UST: variants seen among roughly 807,000 people sequenced by gnomAD.
The protein encoded by UST is chondroitin sulfate 2-O-sulfotransferase.
UST carries 21 observed loss-of-function variants against 45.6 expected under a neutral mutation model. The observed-to-expected ratio is 0.46, with a 90% confidence interval of 0.33 to 0.66. UST has a LOEUF of 0.66. UST is among the 30% of genes least tolerant of loss of function. The pLI is 0.02. For synonymous variants in UST, 215 were observed against 200.6 expected (o/e 1.07, Z -0.61); for missense variants, 463 against 512.4 (o/e 0.90, Z 0.93).
intron 2 of UST, among the ~76,000 whole-genome samples, chr6:148,940,978 ATATT>A: frequency 6.6e-6 from 1 of 152,350 alleles, no homozygotes; most frequent in South Asian, 2.1e-4. Context: ...ATTAAGGAAC[ATATT>A]TATGTATTTT....
chr6:148,989,079 G>C lies in UST; in HGVS notation c.681+24516G>C, dbSNP rs561360473. Among the ~76,000 whole-genome samples the C allele has an allele frequency of 2.0e-3, 310 of 152,208 alleles. 2 individuals are homozygous for C. Among genetic ancestry groups the C allele is most frequent in the Non-Finnish European group, 2.1e-3 (141 of 68,024 alleles). On this transcript the variant is annotated intron_variant, in intron 5 of 7. Coordinates refer to ENST00000367463, the MANE Select transcript of UST (RefSeq NM_005715.3). ...AGAATGAGATAATAGAGGTTCAAAG[G>C]CTTTGAAAACACAAGAGGCACATAA...
At chr6:148,896,588 G>T (rs1779135924) in intron 2 of UST, among the ~76,000 whole-genome samples, 1 of 152,146 alleles carries the variant, frequency 6.6e-6, no homozygotes, top group African/African-American at 2.4e-5. Flanking sequence ...TCTTATTTTT[G>T]TCTAAGGCTG....
chr6:149,005,649 TA>T lies in UST; in HGVS notation c.682-13487del. ...TCCACCACCATTAGACCTCATTTCT[TA>T]AAGGACTGATTTCCACTAAAATGCA... On this transcript the variant is annotated intron_variant, in intron 5 of 7. Coordinates refer to ENST00000367463, the MANE Select transcript of UST (RefSeq NM_005715.3). The T allele has an allele frequency of 3.1e-6, 3 of 974,338 alleles. 1 individual carries two copies. The highest frequency in any genetic ancestry group is 1.2e-6 in the Non-Finnish European group (1 of 819,890). 60.4% of individuals were successfully genotyped at this position (974,338 alleles called of 1,614,324 possible). A position where few individuals can be genotyped will look rare whatever the true frequency, so the allele number is the denominator to read the frequency against.
At chr6:148,889,513 T>C (rs542005517) in intron 2 of UST, among the ~76,000 whole-genome samples, 1 of 152,234 alleles carries the variant, frequency 6.6e-6, no homozygotes, top group East Asian at 1.9e-4. Flanking sequence ...TTCTCCCAGG[T>C]AGGGAGGGGC....
At chr6:149,031,917 C>T (rs57067744) in intron 7 of UST, among the ~76,000 whole-genome samples, 3,891 of 152,174 alleles carry the variant, frequency 0.026, 122 homozygotes, top group South Asian at 0.084. Context: ...GCCAAGTGGA[C>T]GTGGAAGGAG....
rs1253208530 is a variant in UST at position 149,044,069 on chromosome 6, G to A, written c.937+22588G>A. On this transcript the variant is annotated intron_variant, in intron 7 of 7. Transcript: ENST00000367463. ...TAAAATAGAGTTTCACAGCCTTTAA[G>A]TGACTAGGGTACATCACTTTTAAGA... Among the ~76,000 whole-genome samples the A allele has an allele frequency of 3.3e-5, 5 of 152,188 alleles. No homozygotes were observed. The South Asian group carries it at 8.3e-4, about 25-fold the overall frequency.
intron 6 of UST, among the ~76,000 whole-genome samples, chr6:149,020,408 C>T (rs1277332312): frequency 3.3e-5 from 5 of 152,132 alleles, no homozygotes; most frequent in Admixed American, 2.0e-4. Flanking sequence ...TTGCTGATCA[C>T]AGTGAATATC....
intron 7 of UST, among the ~76,000 whole-genome samples, chr6:149,023,079 T>C (rs896654400): frequency 1.3e-5 from 2 of 151,072 alleles, no homozygotes; most frequent in Non-Finnish European, 2.9e-5. Flanking sequence ...CATTTTCTCC[T>C]TTTGGCTTTA....
At chr6:148,908,784 A>G (rs952823673) in intron 2 of UST, among the ~76,000 whole-genome samples, 8 of 152,164 alleles carry the variant, frequency 5.3e-5, no homozygotes, top group African/African-American at 1.7e-4. Flanking sequence ...TTTAGTTACA[A>G]ATGATCTTGT....
intron 1 of UST, among the ~76,000 whole-genome samples, chr6:148,871,420 G>T (rs1201911445): frequency 6.6e-6 from 1 of 152,152 alleles, no homozygotes; most frequent in Non-Finnish European, 1.5e-5. Context: ...TTAGATGGGT[G>T]CAGTAGTGAC....
chr6:148,761,881 A>G (rs1776230140), intron 1 of UST, among the ~76,000 whole-genome samples: 1 of 152,212 alleles, frequency 6.6e-6, no homozygotes, highest in African/African-American at 2.4e-5. Context: ...TGCTCTCCCA[A>G]CAGTCCATAG....
intron 1 of UST, among the ~76,000 whole-genome samples, chr6:148,755,113 C>T (rs1393939748): frequency 2.0e-5 from 3 of 152,134 alleles, no homozygotes; most frequent in Non-Finnish European, 2.9e-5. Flanking sequence ...TATATTTGCT[C>T]ACTAGAATGG....
At chr6:148,872,821 C>T (rs530289220) in intron 1 of UST, among the ~76,000 whole-genome samples, 1 of 152,288 alleles carries the variant, frequency 6.6e-6, no homozygotes, top group East Asian at 1.9e-4. Flanking sequence ...TCCAGCGTCA[C>T]ATCTCTTTCT....
chr6:148,947,419 G>C (rs1780268040), intron 3 of UST, among the ~76,000 whole-genome samples: 1 of 152,180 alleles, frequency 6.6e-6, no homozygotes, highest in African/African-American at 2.4e-5. Context: ...AGCTAAACTT[G>C]TAAAGGCAGA....
chr6:148,748,399 TTGTGTGTGTGTGTG>T lies in UST; in HGVS notation c.247+763_247+776del, dbSNP rs34342100. Among the ~76,000 whole-genome samples, 3,017 of 127,598 alleles carry T rather than the reference TTGTGTGTGTGTGTG, an allele frequency of 0.024. 50 individuals are homozygous for T. Among genetic ancestry groups the T allele is most frequent in the Middle Eastern group, 0.08 (21 of 264 alleles). 83.7% of individuals were successfully genotyped at this position (127,598 alleles called of 152,430 possible). A position where few individuals can be genotyped will look rare whatever the true frequency, so the allele number is the denominator to read the frequency against. Reference sequence around the variant, plus strand: ...GTGCGTCTCAAGCTCAAGTCAAAACTTGTGTGTGTGTGTGTGTGTGTGTGTGTGTGTGTGTGTGT... The same window carrying T: ...GTGCGTCTCAAGCTCAAGTCAAAACTTGTGTGTGTGTGTGTGTGTGTGTGT... On this transcript the variant is annotated intron_variant, in intron 1 of 7. Coordinates refer to ENST00000367463, the MANE Select transcript of UST (RefSeq NM_005715.3). This position sits in a 1 kb window ranked among gnomAD's most constrained non-coding sequence, Gnocchi z 5.3.
chr6:148,955,786 T>C (rs562663110), intron 4 of UST: 1 of 152,386 alleles, frequency 6.6e-6, no homozygotes, highest in South Asian at 2.1e-4. Context: ...TGAACACTTC[T>C]TGCTTCATAG....
chr6:149,043,018 TC>T (rs756484801), intron 7 of UST, among the ~76,000 whole-genome samples: 57 of 133,960 alleles, frequency 4.3e-4, no homozygotes, highest in African/African-American at 1.8e-3. Flanking sequence ...TTTCTTTCTT[TC>T]TTTTTCTTTC....
intron 1 of UST, among the ~76,000 whole-genome samples, chr6:148,806,942 TCA>T (rs1209054713): frequency 6.6e-6 from 1 of 152,188 alleles, no homozygotes; most frequent in Non-Finnish European, 1.5e-5. Context: ...CATGACCTGG[TCA>T]CCTCTTAAAG....
intron 5 of UST, chr6:148,993,104 G>T (rs566614009): frequency 1.0e-6 from 1 of 981,988 alleles, no homozygotes; most frequent in South Asian, 4.7e-5. Context: ...TTCTAGGTCA[G>T]TTAACATCTT....
Sources: allele counts gnomAD v4.1 joint callset (sites outside exome capture counted in the v4.1 genomes callset), GRCh38; gene constraint gnomAD v4.1.1; non-coding constraint Gnocchi (gnomAD v3.1); transcripts MANE v1.5; gene names NCBI Gene and HGNC (gene_info 2026-07-23, HGNC 2026-07-21).